The following HIPK3 variants were observed in gnomAD, a reference collection of about 807,000 sequenced individuals.
HIPK3 encodes homeodomain-interacting protein kinase 3.
Under a neutral mutation model 124.2 loss-of-function variants are expected in HIPK3, and 47 were observed. The observed-to-expected ratio is 0.38, with a 90% CI of 0.30 to 0.48. The LOEUF (loss-of-function observed/expected upper bound fraction) is 0.48. HIPK3 is among the 20% of genes least tolerant of loss of function. HIPK3 has a pLI of 0.98. For synonymous variants in HIPK3, 482 were observed against 515.2 expected (o/e 0.94, Z 0.87); for missense variants, 1,286 against 1,454.3 (o/e 0.88, Z 1.88).
At chr11:33,345,560 G>A (rs1407035602) in intron 8 of HIPK3, among the ~76,000 whole-genome samples, 1 of 152,062 alleles carries the variant, frequency 6.6e-6, no homozygotes, top group African/African-American at 2.4e-5. Flanking sequence ...CAGACAATGA[G>A]ATTTTTGTTC....
intron 1 of HIPK3, among the ~76,000 whole-genome samples, chr11:33,277,329 T>G (rs1851299440): frequency 6.6e-6 from 1 of 152,206 alleles, no homozygotes; most frequent in Non-Finnish European, 1.5e-5. Context: ...TGTTCTATAT[T>G]TTGAGATTTA....
At chr11:33,346,417 T>C (rs1853494503) in intron 8 of HIPK3, among the ~76,000 whole-genome samples, 1 of 152,208 alleles carries the variant, frequency 6.6e-6, no homozygotes, top group Admixed American at 6.5e-5. Context: ...GTTTTGCCTT[T>C]CCTTTGGAGG....
intron 1 of HIPK3, among the ~76,000 whole-genome samples, chr11:33,284,853 C>A (rs943040813): frequency 4.6e-5 from 7 of 152,036 alleles, no homozygotes; most frequent in African/African-American, 1.7e-4. Flanking sequence ...TTGACGTACA[C>A]GTTTATATAT....
At chr11:33,344,339 A>G (rs1162400115) in intron 8 of HIPK3, among the ~76,000 whole-genome samples, 1 of 152,172 alleles carries the variant, frequency 6.6e-6, no homozygotes, top group Non-Finnish European at 1.5e-5. Flanking sequence ...AATCCCTCCC[A>G]TGTACCAAAA....
intron 3 of HIPK3, among the ~76,000 whole-genome samples, chr11:33,330,620 C>T (rs1307217677): frequency 6.6e-6 from 1 of 152,176 alleles, no homozygotes; most frequent in Non-Finnish European, 1.5e-5. Context: ...AGCCACTGTG[C>T]CCCGCCCACA....
chr11:33,353,143 A>G lies in HIPK3; in HGVS notation c.3223A>G (p.Arg1075Gly), dbSNP rs763110427. ...HQEWNGNFGH[R>G]RQQAYIPTSV... The stretch of plus-strand genomic sequence containing the variant: ...AGAGTGGAATGGAAACTTTGGGCAC[A>G]GAAGACAGCAAGCTTATATTCCTAC... Residue 1075 changes from arginine to glycine, a missense_variant, in exon 17 of 17, where the codon AGA becomes GGA. This residue lies in a region of HIPK3 where 810 missense variants were observed against 864.9 expected (regional missense o/e 0.94). Transcript: ENST00000303296. 1 of 1,613,894 alleles carries G rather than the reference A, an allele frequency of 6.2e-7. No homozygotes were observed. The highest frequency in any genetic ancestry group is 8.5e-7 in the Non-Finnish European group (1 of 1,179,926).
chr11:33,353,629 A>G lies in HIPK3; in HGVS notation c.*61A>G. 1.8e-6 allele frequency: 2 copies of G among 1,122,588 alleles called. No homozygotes were observed. Among genetic ancestry groups the G allele is most frequent in the Non-Finnish European group, 2.6e-6 (2 of 757,500 alleles). The allele number at this position is 1,122,588 out of a possible 1,614,324, so 69.5% of individuals were successfully genotyped here. On this transcript the variant is annotated 3_prime_UTR_variant, in exon 17 of 17. Transcript: ENST00000303296. ...ATTTGATTAAAAATAAAAACATGGT[A>G]TTTAATATTAGCCATGGCACAAGAA...
chr11:33,311,197 G>GT (rs1852325881), intron 2 of HIPK3, among the ~76,000 whole-genome samples: 1 of 151,978 alleles, frequency 6.6e-6, no homozygotes, highest in East Asian at 1.9e-4. Context: ...ATTGTTTTTT[G>GT]TTTTTTTGAG....
chr11:33,310,583 A>C (rs1044994374), intron 2 of HIPK3, among the ~76,000 whole-genome samples: 1 of 152,166 alleles, frequency 6.6e-6, no homozygotes, highest in Non-Finnish European at 1.5e-5. Context: ...TACTTGGATT[A>C]CAGGCATGAG....
At chr11:33,342,319 C>A (rs534764344) in intron 8 of HIPK3, among the ~76,000 whole-genome samples, 1 of 151,990 alleles carries the variant, frequency 6.6e-6, no homozygotes, top group African/African-American at 2.4e-5. Context: ...CTGTTTTAGA[C>A]ATTTAGCTAC....
intron 2 of HIPK3, among the ~76,000 whole-genome samples, chr11:33,302,067 A>C (rs775687380): frequency 5.9e-5 from 9 of 152,194 alleles, no homozygotes; most frequent in Non-Finnish European, 8.8e-5. Flanking sequence ...AATTCTATTC[A>C]TTTGGAAACA....
Position 33,355,228 on chromosome 11 carries a change from T to C in HIPK3, c.*1660T>C, listed in dbSNP as rs957893658. 4 of 152,112 alleles carry C rather than the reference T, an allele frequency of 2.6e-5. No homozygotes were observed. Among genetic ancestry groups the C allele is most frequent in the African/African-American group, 9.6e-5 (4 of 41,466 alleles). 9.4% of individuals were successfully genotyped at this position (152,112 alleles called of 1,614,324 possible). On this transcript the variant is annotated 3_prime_UTR_variant, in exon 17 of 17. Coordinates refer to ENST00000303296, the MANE Select transcript of HIPK3 (RefSeq NM_005734.5). ...TGATTTTTTACTTTGCTTTTCTGTT[T>C]GGAGTGTCATTGTAACTACTGTATT...
At position 33,287,226 on chromosome 11, in the gene HIPK3, C is replaced by G. The variant is rs200282854; in HGVS notation, c.812C>G (p.Thr271Ser). 188 of 1,614,006 alleles carry G rather than the reference C, an allele frequency of 1.2e-4. 2 individuals are homozygous for G. The highest frequency in any genetic ancestry group is 1.7e-6 in the Non-Finnish European group (2 of 1,180,018). ...AYECFQHRNH[T>S]CLVFEMLEQN... ...GAATGCTTTCAGCACCGTAACCATA[C>G]TTGTTTAGTCTTTGAGATGCTGGAA... The change falls in exon 2 of 17, where the codon ACT becomes AGT. Residue 271 changes from threonine to serine, a missense_variant. Coordinates refer to ENST00000303296, the MANE Select transcript of HIPK3 (RefSeq NM_005734.5).
intron 2 of HIPK3, among the ~76,000 whole-genome samples, chr11:33,302,446 C>T (rs767654164): frequency 5.4e-5 from 8 of 148,330 alleles, no homozygotes; most frequent in Non-Finnish European, 8.9e-5. Context: ...AAATGATTCT[C>T]CTGCCTCAGC....
intron 2 of HIPK3, among the ~76,000 whole-genome samples, chr11:33,325,295 C>A (rs1209854062): frequency 6.6e-6 from 1 of 152,280 alleles, no homozygotes; most frequent in South Asian, 2.1e-4. Flanking sequence ...TTGTTACTTT[C>A]CTTTATTGCC....
At position 33,347,654 on chromosome 11, in the gene HIPK3, T is replaced by C. The variant is rs765332302; in HGVS notation, c.2045T>C (p.Met682Thr). 6.2e-7 allele frequency: 1 copy of C among 1,614,164 alleles called. No homozygotes were observed. The highest frequency in any genetic ancestry group is 8.5e-7 in the Non-Finnish European group (1 of 1,179,984). Residue 682 changes from methionine to threonine, a missense_variant, in exon 10 of 17, where the codon ATG becomes ACG. By Grantham distance (81) the Met-to-Thr change is moderately conservative. Coordinates refer to ENST00000303296, the MANE Select transcript of HIPK3 (RefSeq NM_005734.5). ...ACGTGGTCTGGTAGAACACAGCAGA[T>C]GCTGGTGCCTGCCTGGCAACAGGTG... is the stretch of plus-strand genomic sequence containing the variant. ...SQTWSGRTQQ[M>T]LVPAWQQVTP...
intron 3 of HIPK3, 61 bp downstream of exon 3, chr11:33,328,694 A>G: frequency 1.3e-6 from 2 of 1,492,866 alleles, no homozygotes; most frequent in Middle Eastern, 1.7e-4. Flanking sequence ...ACAGACTTAC[A>G]GGAACACATG....
At position 33,286,573 on chromosome 11, in the gene HIPK3, T is replaced by C. The variant is rs767452766; in HGVS notation, c.159T>C (p.Ser53=). ...TGAATGGTAGAAACTTTGGAAATTCTCATCCTCCCACTAAGGGTAGTGCTT... is the reference window on the plus strand; with the variant it reads ...TGAATGGTAGAAACTTTGGAAATTCCCATCCTCCCACTAAGGGTAGTGCTT... The part of the protein sequence containing the change: ...TYVNGRNFGN[S]HPPTKGSAFQ... Residue 53 remains serine (S), a synonymous_variant, in exon 2 of 17, where the codon TCT becomes TCC. Coordinates refer to ENST00000303296, the MANE Select transcript of HIPK3 (RefSeq NM_005734.5). The C allele has an allele frequency of 6.2e-7, 1 of 1,614,180 alleles. No homozygotes were observed. The highest frequency in any genetic ancestry group is 1.1e-5 in the South Asian group (1 of 91,086).
At position 33,339,299 on chromosome 11, in the gene HIPK3, ACT is replaced by A. The variant is rs758883625; in HGVS notation, c.1429-46_1429-45del. 39 of 1,398,088 alleles carry A rather than the reference ACT, an allele frequency of 2.8e-5. No homozygotes were observed. The African/African-American group carries it at 5.4e-4, about 19-fold the overall frequency. The allele number at this position is 1,398,088 out of a possible 1,614,324, so 86.6% of individuals were successfully genotyped here. A position where few individuals can be genotyped will look rare whatever the true frequency, so the allele number is the denominator to read the frequency against. ...ATTTTTTAACGGTGGAATTTATACT[ACT>A]CTCTGTGACTTATTTTTACTTGATG... On this transcript the variant is annotated intron_variant, in intron 5 of 16. Coordinates refer to ENST00000303296, the MANE Select transcript of HIPK3 (RefSeq NM_005734.5).
Sources: allele counts gnomAD v4.1 joint callset (sites outside exome capture counted in the v4.1 genomes callset), GRCh38; gene constraint gnomAD v4.1.1; regional missense constraint gnomAD v4.1.1; transcripts MANE v1.5; gene names NCBI Gene and HGNC (gene_info 2026-07-23, HGNC 2026-07-21).